Variants in PTPRB observed in about 807,000 individuals in gnomAD.
The protein encoded by PTPRB is protein tyrosine phosphatase receptor type B.
In PTPRB, 97 loss-of-function variants were observed where a neutral mutation model predicts 238.1. The observed-to-expected ratio is 0.41, with a 90% confidence interval of 0.35 to 0.48. The LOEUF is 0.48. Ranked by LOEUF, PTPRB falls within the 20% of genes least tolerant of loss-of-function variation. The probability of loss-of-function intolerance (pLI) is 0.30; values close to 1 mark genes in which losing one functional copy is unlikely to be tolerated. For missense variants in PTPRB, 2,292 were observed against 2,681.9 expected, an observed-to-expected ratio of 0.85 and a Z score of 3.21; for synonymous variants, 970 against 995.4, an observed-to-expected ratio of 0.97 and a Z score of 0.48.
At chr12:70,615,544 G>A (rs986547272) in intron 3 of PTPRB, among the ~76,000 whole-genome samples, 1 of 152,192 alleles carries the variant, frequency 6.6e-6, no homozygotes, top group Non-Finnish European at 1.5e-5. Flanking sequence ...CATAGCTTTT[G>A]TTATAGCTCT....
intron 32 of PTPRB, among the ~76,000 whole-genome samples, chr12:70,527,136 T>C (rs1287676990): frequency 6.6e-6 from 1 of 152,136 alleles, no homozygotes; most frequent in Non-Finnish European, 1.5e-5. Flanking sequence ...ATATTTGGAG[T>C]ATTAGATATT....
intron 2 of PTPRB, among the ~76,000 whole-genome samples, chr12:70,626,929 A>T (rs1254203089): frequency 1.3e-5 from 2 of 152,160 alleles, no homozygotes; most frequent in Non-Finnish European, 2.9e-5. Flanking sequence ...ATACATATCT[A>T]AATTACTTTT....
rs1374085548 is a variant in PTPRB at position 70,590,095 on chromosome 12, A to G, written c.1919T>C (p.Ile640Thr). 4 of 1,613,838 alleles carry G rather than the reference A, an allele frequency of 2.5e-6. No homozygotes were observed. Among genetic ancestry groups the G allele is most frequent in the Middle Eastern group, 1.6e-4 (1 of 6,084 alleles). Reference protein sequence around the residue: ...LFNDSVVLLNITVGKEETQYV... With the variant: ...LFNDSVVLLNTTVGKEETQYV... ...CTGTGTTTCTTCCTTTCCCACAGTGATGTTGAGCAGCACCACAGAATCATT... is the reference window on the plus strand; with the variant it reads ...CTGTGTTTCTTCCTTTCCCACAGTGGTGTTGAGCAGCACCACAGAATCATT... Residue 640 changes from isoleucine (I) to threonine (T), a missense_variant, in exon 8 of 34, where the codon ATC becomes ACC. By Grantham distance (89) the Ile-to-Thr change is moderately conservative (BLOSUM62 -1). Coordinates refer to ENST00000334414, the MANE Select transcript of PTPRB (RefSeq NM_001109754.4).
In PTPRB at chr12:70,555,203, A is replaced by T; in HGVS notation, c.5100T>A (p.Asn1700Lys). The change falls in exon 20 of 34, where the codon AAT becomes AAA. Residue 1700 changes from asparagine to lysine, a missense_variant. Asn to Lys is a moderately conservative substitution (Grantham distance 94, BLOSUM62 0). Coordinates refer to ENST00000334414, the MANE Select transcript of PTPRB (RefSeq NM_001109754.4). ...TVNCSWFSDTNGAVKYFTVVV... is the reference protein window; with the variant it reads ...TVNCSWFSDTKGAVKYFTVVV... Reference sequence around the variant, plus strand: ...CCACTGTGAAGTATTTCACAGCTCCATTGGTGTCGCTGAACCAGCTGCAGT... The same window carrying T: ...CCACTGTGAAGTATTTCACAGCTCCTTTGGTGTCGCTGAACCAGCTGCAGT... The T allele has an allele frequency of 1.2e-6, 2 of 1,613,916 alleles. No homozygotes were observed. The highest frequency in any genetic ancestry group is 1.7e-6 in the Non-Finnish European group (2 of 1,179,854).
chr12:70,629,650 T>A (rs1000681102), intron 2 of PTPRB, among the ~76,000 whole-genome samples: 1 of 152,064 alleles, frequency 6.6e-6, no homozygotes, highest in Non-Finnish European at 1.5e-5. Context: ...TATCAGTGAA[T>A]CCAGGAGCTG....
intron 11 of PTPRB, among the ~76,000 whole-genome samples, chr12:70,572,394 A>G (rs1166555093): frequency 2.6e-5 from 4 of 152,126 alleles, no homozygotes; most frequent in African/African-American, 9.7e-5. Flanking sequence ...GTGATGGTAA[A>G]CGATATAGAT....
At chr12:70,537,241 C>A (rs185172031) in intron 28 of PTPRB, among the ~76,000 whole-genome samples, 1 of 134,850 alleles carries the variant, frequency 7.4e-6, no homozygotes, top group African/African-American at 2.8e-5. Flanking sequence ...GAGCAGAGAT[C>A]GCGCCACTGC....
chr12:70,576,821 G>A (rs1464068184), intron 10 of PTPRB, among the ~76,000 whole-genome samples, 176 bp from the exon 11 acceptor site: 1 of 152,100 alleles, frequency 6.6e-6, no homozygotes, highest in East Asian at 1.9e-4. Context: ...TCAGCTTCCA[G>A]AAGCTGAGTG....
intron 33 of PTPRB, among the ~76,000 whole-genome samples, chr12:70,523,139 G>A (rs1176587714): frequency 1.3e-5 from 2 of 152,016 alleles, no homozygotes; most frequent in South Asian, 2.1e-4. Flanking sequence ...TGGGATTACA[G>A]TCTTGAGCCA....
chr12:70,571,945 G>C lies in PTPRB; in HGVS notation c.2985C>G (p.Ser995Arg). The C allele has an allele frequency of 1.2e-6, 2 of 1,613,958 alleles. No individual in the cohort carries two copies. The highest frequency in any genetic ancestry group is 2.2e-5 in the South Asian group (2 of 91,082). Residue 995 changes from serine to arginine, a missense_variant, in exon 12 of 34, where the codon AGC (serine) becomes AGG (arginine). Ser to Arg is a moderately radical substitution (Grantham distance 110, BLOSUM62 -1). Coordinates refer to ENST00000334414, the MANE Select transcript of PTPRB (RefSeq NM_001109754.4). Reference protein sequence around the residue: ...KNKNNFIQTKSIPKSENECVF... With the variant: ...KNKNNFIQTKRIPKSENECVF... ...CACATTCGTTTTCTGACTTGGGAAT[G>C]CTTTTAGTTTGAATGAAGTTGTTTT...
intron 21 of PTPRB, among the ~76,000 whole-genome samples, chr12:70,551,176 G>A (rs200181693): frequency 1.3e-5 from 2 of 152,178 alleles, no homozygotes; most frequent in East Asian, 1.9e-4. Flanking sequence ...GATTACAGGC[G>A]TGAGCCTCCA....
intron 16 of PTPRB, among the ~76,000 whole-genome samples, chr12:70,562,279 G>A (rs931431089): frequency 1.3e-5 from 2 of 151,234 alleles, no homozygotes; most frequent in African/African-American, 2.5e-5. Flanking sequence ...GTGAGAACTC[G>A]TCCCCCCCCA....
At chr12:70,559,305 C>G in intron 18 of PTPRB, 38 bp downstream of exon 18, 1 of 1,563,324 alleles carries the variant, frequency 6.4e-7, no homozygotes, top group Non-Finnish European at 8.8e-7. Flanking sequence ...ACTTCCTCTA[C>G]TCCATTTGAG....
Position 70,595,428 on chromosome 12 carries a change from T to C in PTPRB, c.1258+621A>G, listed in dbSNP as rs1011548774. On this transcript the variant is annotated intron_variant, in intron 5 of 33. Coordinates refer to ENST00000334414, the MANE Select transcript of PTPRB (RefSeq NM_001109754.4). ...CAAACCTGCATGTTCTGCACATGTA[T>C]CCCAGAACTTAAAGTATAAATATCC... is the stretch of plus-strand genomic sequence containing the variant. 5.9e-5 allele frequency among the ~76,000 whole-genome samples: 9 copies of C among 151,870 alleles called. 1 individual carries two copies. In the South Asian group the frequency reaches 6.2e-4, roughly 11 times the overall value.
intron 3 of PTPRB, among the ~76,000 whole-genome samples, chr12:70,619,508 T>C (rs1481330053): frequency 1.3e-5 from 2 of 152,100 alleles, no homozygotes; most frequent in African/African-American, 4.8e-5. Context: ...ATCGCAGAAG[T>C]GATGTTGCAT....
intron 2 of PTPRB, among the ~76,000 whole-genome samples, chr12:70,625,387 A>G (rs1885126733): frequency 6.6e-6 from 1 of 152,178 alleles, no homozygotes; most frequent in Admixed American, 6.6e-5. Flanking sequence ...CTATTATAAC[A>G]AGTTTCTCAG....
chr12:70,609,855 G>T (rs1298232384), intron 3 of PTPRB: 1 of 1,549,464 alleles, frequency 6.5e-7, no homozygotes, highest in South Asian at 1.2e-5. Flanking sequence ...CGAGGGGGCT[G>T]GACGTGGGAC....
Position 70,526,672 on chromosome 12 carries a change from A to G in PTPRB, c.6505-2081T>C, listed in dbSNP as rs428964. 7.1e-3 allele frequency among the ~76,000 whole-genome samples: 1,088 copies of G among 152,352 alleles called. 13 individuals are homozygous for G. The highest frequency in any genetic ancestry group is 0.025 in the African/African-American group (1,023 of 41,582). ...GTACAATCTGAGAATGGTTGTTAGT[A>G]TAAAGCAGTCTCTTTTTGCTACCTT... On this transcript the variant is annotated intron_variant, in intron 32 of 33. Transcript: ENST00000334414.
intron 14 of PTPRB, among the ~76,000 whole-genome samples, chr12:70,568,786 T>C (rs1009543045): frequency 2.0e-5 from 3 of 152,164 alleles, no homozygotes; most frequent in African/African-American, 7.2e-5. Context: ...GGCACGAGGT[T>C]TGGGGCCAGA....
Sources: gnomAD v4.1 joint callset for allele counts (sites outside exome capture counted in the v4.1 genomes callset) on GRCh38, gnomAD v4.1.1 for gene constraint, MANE v1.5 for transcripts, NCBI Gene and HGNC (gene_info 2026-07-23, HGNC 2026-07-21) for gene names.